The following FAM117B variants were observed in gnomAD, a reference collection of about 807,000 sequenced individuals.
The protein encoded by FAM117B is family with sequence similarity 117 member B, also known as protein FAM117B.
FAM117B carries 22 observed loss-of-function variants against 52.8 expected under a neutral mutation model. The ratio of observed to expected loss-of-function variants is 0.42; its 90% CI spans 0.30 to 0.59. The LOEUF (loss-of-function observed/expected upper bound fraction) is 0.59, where lower values mean the gene tolerates loss of function less well. Among genes scored for constraint, FAM117B ranks in the 20% least tolerant of loss-of-function variants. The pLI, the probability that FAM117B is intolerant of heterozygous loss-of-function variation, is 0.22. For synonymous variants in FAM117B, 309 were observed against 324.1 expected, an observed-to-expected ratio of 0.95 and a Z score of 0.50; for missense variants, 678 against 802.6, an observed-to-expected ratio of 0.84 and a Z score of 1.88.
rs1689948895 is a variant in FAM117B, at chr2:202,651,075, T to G, written c.601+15287T>G. ...ATTTGCCATTCTTTTTTTTTTTTTT[T>G]TTTTTAAGACGGAATCTTGCTCAGT... On this transcript the variant is annotated intron_variant, in intron 1 of 7. Transcript: ENST00000392238. Among the ~76,000 whole-genome samples, 4 of 151,214 alleles carry G rather than the reference T, an allele frequency of 2.6e-5. No individual in the cohort carries two copies. The South Asian group carries it at 8.4e-4, about 32-fold the overall frequency.
At chr2:202,643,088 C>T (rs1182280007) in intron 1 of FAM117B, among the ~76,000 whole-genome samples, 1 of 151,966 alleles carries the variant, frequency 6.6e-6, no homozygotes, top group Non-Finnish European at 1.5e-5. Context: ...ATGTTGGGGG[C>T]ACAAATCAAA....
intron 4 of FAM117B, among the ~76,000 whole-genome samples, chr2:202,749,731 C>T (rs1211221015): frequency 6.6e-6 from 1 of 151,890 alleles, no homozygotes; most frequent in Non-Finnish European, 1.5e-5. Flanking sequence ...GAGTTTGAGA[C>T]CAGCCCGGGC....
intron 2 of FAM117B, among the ~76,000 whole-genome samples, chr2:202,713,260 G>T (rs1690984346): frequency 6.6e-6 from 1 of 152,094 alleles, no homozygotes; most frequent in Non-Finnish European, 1.5e-5. Flanking sequence ...ATATTGTTAG[G>T]TTGTGTGTGT....
At chr2:202,705,287 C>G (rs1365674921) in intron 2 of FAM117B, among the ~76,000 whole-genome samples, 2 of 148,516 alleles carry the variant, frequency 1.3e-5, no homozygotes, top group Non-Finnish European at 3.0e-5. Flanking sequence ...GTCTGGGCAA[C>G]AAGAGTGAAA....
chr2:202,667,163 C>T lies in FAM117B; in HGVS notation c.602-28718C>T, dbSNP rs573855741. On this transcript the variant is annotated intron_variant, in intron 1 of 7. Transcript: ENST00000392238. ...TCGCCCAGGCTGGAGTGCAGTGGTG[C>T]GATCTTGGCTCACTGCAACCTCCGC... 4.4e-3 allele frequency among the ~76,000 whole-genome samples: 669 copies of T among 151,908 alleles called. 2 individuals carry two copies. The highest frequency in any genetic ancestry group is 0.013 in the South Asian group (64 of 4,800).
At chr2:202,682,001 T>C (rs1233070350) in intron 1 of FAM117B, among the ~76,000 whole-genome samples, 1 of 152,156 alleles carries the variant, frequency 6.6e-6, no homozygotes, top group East Asian at 1.9e-4. Context: ...TTGGAGACTA[T>C]AGTTGGATGT....
At chr2:202,659,604 CTTTTTTTTTTTT>C (rs71030981) in intron 1 of FAM117B, among the ~76,000 whole-genome samples, 1,581 of 62,264 alleles carry the variant, frequency 0.025, 26 homozygotes, top group African/African-American at 0.052. Flanking sequence ...AGCCACCGTG[CTTTTTTTTTTTT>C]TTTTTTTTTT....
Position 202,767,836 on chromosome 2 carries a change from T to C in FAM117B, c.*2072T>C, listed in dbSNP as rs1232007196. 3 of 152,358 alleles carry C rather than the reference T, an allele frequency of 2.0e-5. No individual in the cohort carries two copies. Among genetic ancestry groups the C allele is most frequent in the East Asian group, 3.9e-4 (2 of 5,194 alleles). The allele number at this position is 152,358 out of a possible 1,614,324, so 9.4% of individuals were successfully genotyped here. On this transcript the variant is annotated 3_prime_UTR_variant, in exon 8 of 8. Coordinates refer to ENST00000392238, the MANE Select transcript of FAM117B (RefSeq NM_173511.4). Reference sequence around the variant, plus strand: ...ATCCGTCAGGTTTTAGATGGTGGGATTGATGAACTTTGGTACTTTCTCAAT... The same window carrying C: ...ATCCGTCAGGTTTTAGATGGTGGGACTGATGAACTTTGGTACTTTCTCAAT...
intron 2 of FAM117B, among the ~76,000 whole-genome samples, chr2:202,717,086 A>G (rs1187310899): frequency 8.5e-5 from 13 of 152,316 alleles, no homozygotes; most frequent in Non-Finnish European, 1.5e-5. Flanking sequence ...GTGTCTGGGC[A>G]TTGAAGAGTT....
At chr2:202,737,601 G>A (rs1448132933) in intron 4 of FAM117B, among the ~76,000 whole-genome samples, 2 of 151,722 alleles carry the variant, frequency 1.3e-5, no homozygotes, top group East Asian at 3.9e-4. Flanking sequence ...TGTATCAATA[G>A]TTTAACTTTT....
At chr2:202,643,320 G>C (rs1487875804) in intron 1 of FAM117B, among the ~76,000 whole-genome samples, 2 of 152,136 alleles carry the variant, frequency 1.3e-5, no homozygotes, top group African/African-American at 4.8e-5. Context: ...TGGAAAATGC[G>C]AGAGGCATGG....
At chr2:202,661,950 C>T (rs1289815027) in intron 1 of FAM117B, among the ~76,000 whole-genome samples, 1 of 151,640 alleles carries the variant, frequency 6.6e-6, no homozygotes, top group Non-Finnish European at 1.5e-5. Context: ...ATCAACAATC[C>T]CACGATCCCA....
intron 2 of FAM117B, among the ~76,000 whole-genome samples, chr2:202,705,478 TTC>T (rs1690857780): frequency 6.6e-6 from 1 of 152,154 alleles, no homozygotes; most frequent in South Asian, 2.1e-4. Context: ...CACAAAGGTA[TTC>T]TCTTTTTTTC....
intron 1 of FAM117B, among the ~76,000 whole-genome samples, chr2:202,673,561 C>T (rs1005263804): frequency 2.0e-5 from 3 of 147,714 alleles, no homozygotes; most frequent in African/African-American, 7.5e-5. Context: ...GATTCTCCTG[C>T]CTCAGCCTCC....
At chr2:202,758,354 G>C (rs1287821418) in intron 6 of FAM117B, among the ~76,000 whole-genome samples, 1 of 152,158 alleles carries the variant, frequency 6.6e-6, no homozygotes, top group Non-Finnish European at 1.5e-5. Context: ...GATAAAACAC[G>C]GGTCAGATAA....
chr2:202,736,462 AAAC>A (rs1169523915), intron 4 of FAM117B, among the ~76,000 whole-genome samples: 1 of 152,154 alleles, frequency 6.6e-6, no homozygotes, highest in African/African-American at 2.4e-5. Flanking sequence ...TTACCATTCT[AAAC>A]AAGTTTTTGG....
intron 1 of FAM117B, among the ~76,000 whole-genome samples, chr2:202,676,088 A>G (rs931339398): frequency 1.3e-4 from 20 of 151,592 alleles, no homozygotes. Flanking sequence ...TTCCCTTCTT[A>G]CTTGCTTGTT....
At chr2:202,657,779 T>G (rs1176360412) in intron 1 of FAM117B, among the ~76,000 whole-genome samples, 2 of 152,180 alleles carry the variant, frequency 1.3e-5, no homozygotes, top group Non-Finnish European at 2.9e-5. Flanking sequence ...CCACCTCACC[T>G]GGCCCCTTCT....
intron 2 of FAM117B, among the ~76,000 whole-genome samples, chr2:202,722,194 T>C (rs1319934011): frequency 6.6e-6 from 1 of 151,928 alleles, no homozygotes; most frequent in Admixed American, 6.6e-5. Flanking sequence ...GTACTTTTTG[T>C]AGAGACGGGG....
Sources: gnomAD v4.1 joint callset for allele counts (sites outside exome capture counted in the v4.1 genomes callset) on GRCh38, gnomAD v4.1.1 for gene constraint, MANE v1.5 for transcripts, NCBI Gene and HGNC (gene_info 2026-07-23, HGNC 2026-07-21) for gene names.